C3orf22: variants seen among roughly 807,000 people sequenced by gnomAD.
The protein encoded by C3orf22 is chromosome 3 open reading frame 22.
In C3orf22, 7 loss-of-function variants were observed where a neutral mutation model predicts 10.8. The ratio of observed to expected loss-of-function variants is 0.65; its 90% confidence interval spans 0.37 to 1.22. The LOEUF (loss-of-function observed/expected upper bound fraction) is 1.22. Ranked by LOEUF, C3orf22 falls within the 50% of genes most tolerant of loss-of-function variation. C3orf22 has a pLI of 0.02. For missense variants in C3orf22, 173 were observed against 177.0 expected (o/e 0.98, Z 0.13); for synonymous variants, 79 against 78.9 (o/e 1.00, Z 0.00).
At chr3:126,543,362 T>C (rs979663277) in intron 4 of C3orf22, 6 of 152,242 alleles carry the variant, frequency 3.9e-5, no homozygotes, top group African/African-American at 1.4e-4. Flanking sequence ...CTCAAACCAC[T>C]CCGTCTCCAA....
chr3:126,530,320 C>T lies in C3orf22; in HGVS notation c.287-948G>A, dbSNP rs569437565. Among the ~76,000 whole-genome samples, 19 of 152,388 alleles carry T rather than the reference C, an allele frequency of 1.2e-4. 1 individual carries two copies. Among genetic ancestry groups the T allele is most frequent in the Middle Eastern group, 3.4e-3 (1 of 294 alleles). On this transcript the variant is annotated intron_variant and NMD_transcript_variant, in intron 4 of 5. Coordinates refer to the C3orf22 transcript ENST00000505070. ...GGCCCCTGGGGGCTGTTATGGTACC[C>T]ACTTTCCAGCAGGCTGTGGTCTGGC...
chr3:126,547,898 GA>G (rs1350072065), downstream of C3orf22, among the ~76,000 whole-genome samples: 1 of 152,204 alleles, frequency 6.6e-6, no homozygotes, highest in Non-Finnish European at 1.5e-5. Context: ...ACACATCATG[GA>G]ATGAGAAACA....
chr3:126,530,569 A>G (rs550754903), intron 4 of C3orf22, among the ~76,000 whole-genome samples: 4 of 152,304 alleles, frequency 2.6e-5, no homozygotes, highest in Admixed American at 1.3e-4. Context: ...ACACGGCGAG[A>G]AGGCCTGGCC....
At chr3:126,542,292 G>A (rs754142853) in intron 4 of C3orf22, 3 of 1,566,262 alleles carry the variant, frequency 1.9e-6, no homozygotes, top group East Asian at 2.4e-5. Flanking sequence ...AACGAGCACT[G>A]GGAGCGCGCG....
rs558333618 is a variant in C3orf22 at position 126,553,723 on chromosome 3, A to C, written c.-40-293T>G. Among the ~76,000 whole-genome samples the C allele has an allele frequency of 7.9e-5, 12 of 152,266 alleles. No homozygotes were observed. In the South Asian group the frequency reaches 2.5e-3, roughly 32 times the overall value. On this transcript the variant is annotated intron_variant, in intron 1 of 3. Coordinates refer to ENST00000318225, the MANE Select transcript of C3orf22 (RefSeq NM_152533.3). Reference sequence around the variant, plus strand: ...TGGCAGCCACTGATCTGTCCTCATCATGGGGCAGCCATGTGATTTCAGGAG... The same window carrying C: ...TGGCAGCCACTGATCTGTCCTCATCCTGGGGCAGCCATGTGATTTCAGGAG...
At chr3:126,533,890 C>A (rs1936710225) in intron 4 of C3orf22, among the ~76,000 whole-genome samples, 1 of 152,142 alleles carries the variant, frequency 6.6e-6, no homozygotes, top group Non-Finnish European at 1.5e-5. Flanking sequence ...ACTAATTCAA[C>A]ATCTTGACTT....
At chr3:126,549,609 T>G, downstream of C3orf22, 1 of 1,401,718 alleles carries the variant, frequency 7.1e-7, no homozygotes, top group Non-Finnish European at 9.5e-7. Flanking sequence ...ACACCAACCC[T>G]GCAAGATTAA....
intron 4 of C3orf22, chr3:126,542,207 C>G (rs750870511): frequency 2.8e-6 from 4 of 1,451,128 alleles, no homozygotes; most frequent in Non-Finnish European, 1.8e-6. Flanking sequence ...CGCCCGGGCC[C>G]GCGGCCACGA....
At chr3:126,538,581 G>A (rs1412286379) in intron 4 of C3orf22, among the ~76,000 whole-genome samples, 1 of 152,242 alleles carries the variant, frequency 6.6e-6, no homozygotes, top group African/African-American at 2.4e-5. Context: ...GAGGAAGACT[G>A]ACAGGTGGCC....
intron 4 of C3orf22, among the ~76,000 whole-genome samples, chr3:126,539,950 C>CCA (rs1206680194): frequency 6.7e-6 from 1 of 148,370 alleles, no homozygotes; most frequent in Middle Eastern, 3.4e-3. Context: ...GCCACACCTG[C>CCA]CACACATGCC....
At chr3:126,536,180 G>T in intron 4 of C3orf22, 2 of 1,018,394 alleles carry the variant, frequency 2.0e-6, no homozygotes, top group Non-Finnish European at 3.1e-6. Flanking sequence ...GCCAGAGGTG[G>T]GTCAAATGTG....
At position 126,542,129 on chromosome 3, in the gene C3orf22, A is replaced by T. The variant is rs915159178; in HGVS notation, c.286+7408T>A. The T allele has an allele frequency of 2.5e-5, 39 of 1,568,710 alleles. No individual in the cohort carries two copies. Among genetic ancestry groups the T allele is most frequent in the Non-Finnish European group, 3.3e-5 (38 of 1,162,266 alleles). Reference sequence around the variant, plus strand: ...CCGCAACAAGCTCGCGCGCCCCTACAGCGCCGCCTTCCAGAGGCGCTACGG... The same window carrying T: ...CCGCAACAAGCTCGCGCGCCCCTACTGCGCCGCCTTCCAGAGGCGCTACGG... On this transcript the variant is annotated intron_variant and NMD_transcript_variant, in intron 4 of 5. Transcript: ENST00000505070.
intron 1 of C3orf22, among the ~76,000 whole-genome samples, chr3:126,557,331 C>T (rs1937372920): frequency 6.6e-6 from 1 of 152,206 alleles, no homozygotes; most frequent in South Asian, 2.1e-4. Flanking sequence ...CTGGCGTGAC[C>T]TACTACCACA....
At chr3:126,529,681 C>T (rs941227104) in intron 4 of C3orf22, among the ~76,000 whole-genome samples, 2 of 152,172 alleles carry the variant, frequency 1.3e-5, no homozygotes, top group Admixed American at 1.3e-4. Context: ...TTCTCTTTCT[C>T]CCAGCCTCGG....
At chr3:126,545,100 C>T (rs1239077501), downstream of C3orf22, among the ~76,000 whole-genome samples, 1 of 152,242 alleles carries the variant, frequency 6.6e-6, no homozygotes, top group Non-Finnish European at 1.5e-5. Flanking sequence ...ACAAGAAAGA[C>T]AGGGTCACAT....
chr3:126,527,653 A>T (rs1936564800), exon 6 of C3orf22: 1 of 152,298 alleles, frequency 6.6e-6, no homozygotes, highest in South Asian at 2.1e-4. Flanking sequence ...AGGGGAGCCT[A>T]TCGGAATCAC....
chr3:126,533,199 C>T (rs1936694264), intron 4 of C3orf22, among the ~76,000 whole-genome samples: 1 of 152,096 alleles, frequency 6.6e-6, no homozygotes, highest in Admixed American at 6.5e-5. Flanking sequence ...TTACTTATTA[C>T]TTTCCAACCT....
intron 4 of C3orf22, among the ~76,000 whole-genome samples, chr3:126,536,897 A>ACG (rs899853909): frequency 2.5e-5 from 1 of 40,784 alleles, no homozygotes; most frequent in African/African-American, 2.9e-4. Context: ...ACACACACAA[A>ACG]CACACACACA....
intron 4 of C3orf22, among the ~76,000 whole-genome samples, chr3:126,531,818 T>TA (rs1297069787): frequency 6.6e-6 from 1 of 152,214 alleles, no homozygotes; most frequent in African/African-American, 2.4e-5. Flanking sequence ...TCTAGGAACA[T>TA]ACTTAGGAGA....
Sources: gnomAD v4.1 joint callset for allele counts (sites outside exome capture counted in the v4.1 genomes callset) on GRCh38, gnomAD v4.1.1 for gene constraint, MANE v1.5 for transcripts, NCBI Gene and HGNC (gene_info 2026-07-23, HGNC 2026-07-21) for gene names.